SULF1: variants seen among roughly 807,000 people sequenced by gnomAD.
SULF1 encodes the protein sulfatase 1.
SULF1 carries 46 observed loss-of-function variants against 110.5 expected under a neutral mutation model. The observed-to-expected ratio is 0.42, with a 90% CI of 0.33 to 0.53. SULF1 has a LOEUF of 0.53. Ranked by LOEUF, SULF1 falls within the 20% of genes least tolerant of loss-of-function variation. SULF1 has a pLI of 0.12. For synonymous variants in SULF1, 371 were observed against 387.1 expected (o/e 0.96, Z 0.49); for missense variants, 941 against 1,094.2 (o/e 0.86, Z 1.98).
At chr8:69,644,243 C>T (rs1344941979) in intron 22 of SULF1, among the ~76,000 whole-genome samples, 2 of 152,150 alleles carry the variant, frequency 1.3e-5, no homozygotes, top group East Asian at 1.9e-4. Context: ...TGGGGGTGGA[C>T]GCTGGAGCTC....
intron 5 of SULF1, among the ~76,000 whole-genome samples, chr8:69,573,204 G>A (rs1216649460): frequency 6.6e-6 from 1 of 152,164 alleles, no homozygotes. Flanking sequence ...TGTTGTCTTG[G>A]TTCCTTTTGA....
At position 69,651,732 on chromosome 8, in the gene SULF1, G is replaced by A. The variant is rs143178582; in HGVS notation, c.2586-6773G>A. Among the ~76,000 whole-genome samples, 412 of 152,062 alleles carry A rather than the reference G, an allele frequency of 2.7e-3. 2 individuals carry two copies. Among genetic ancestry groups the A allele is most frequent in the African/African-American group, 9.5e-3 (395 of 41,490 alleles). On this transcript the variant is annotated intron_variant, in intron 22 of 22. Transcript: ENST00000402687. ...AAATTCCACTGGGTCATTGTGTGTT[G>A]CTTTCGTAATATTGAATTCTGTTCA...
Position 69,638,924 on chromosome 8 carries a change from C to T in SULF1, c.2551+66C>T, listed in dbSNP as rs574811850. 3.4e-6 allele frequency: 5 copies of T among 1,472,894 alleles called. No homozygotes were observed. In the African/African-American group the frequency reaches 7.1e-5, roughly 21 times the overall value. The allele number at this position is 1,472,894 out of a possible 1,614,324, so 91.2% of individuals were successfully genotyped here. On this transcript the variant is annotated intron_variant, in intron 21 of 22. Transcript: ENST00000402687. ...ATTCTTTGTGTTACTGAGCTTTCTG[C>T]CTTGGAAACATTTAATTGCACAGAA...
upstream of SULF1, chr8:69,492,827 C>T (rs1170436942): frequency 6.6e-6 from 1 of 152,304 alleles, no homozygotes. Context: ...ATATAACCGT[C>T]TTCATCTTGC....
intron 3 of SULF1, among the ~76,000 whole-genome samples, chr8:69,551,561 C>T (rs1191793915): frequency 3.3e-5 from 5 of 152,200 alleles, no homozygotes; most frequent in African/African-American, 9.6e-5. Context: ...TGATCGTAAA[C>T]AGTCCTGTCA....
chr8:69,652,875 G>A (rs979970447), intron 22 of SULF1, among the ~76,000 whole-genome samples: 1 of 152,142 alleles, frequency 6.6e-6, no homozygotes, highest in African/African-American at 2.4e-5. Context: ...CAGCTGCGTT[G>A]GAGTCTCTCA....
At chr8:69,650,682 T>C (rs540754628) in intron 22 of SULF1, among the ~76,000 whole-genome samples, 110 of 152,316 alleles carry the variant, frequency 7.2e-4, no homozygotes, top group Admixed American at 1.2e-3. Context: ...AGATTCTCAG[T>C]TTATTCCATG....
chr8:69,576,746 G>A (rs1247418850), intron 6 of SULF1, among the ~76,000 whole-genome samples: 1 of 152,188 alleles, frequency 6.6e-6, no homozygotes, highest in African/African-American at 2.4e-5. Flanking sequence ...TGTAGATGAT[G>A]TCCTTGGGTT....
rs1456674339 is a variant in SULF1, at chr8:69,659,181, G to C, written c.*646G>C. Reference sequence around the variant, plus strand: ...ATTCCGATGGAATTTCAGTTCATCAGATGTTCACCATGGCCACCGCAGAAC... The same window carrying C: ...ATTCCGATGGAATTTCAGTTCATCACATGTTCACCATGGCCACCGCAGAAC... On this transcript the variant is annotated 3_prime_UTR_variant, in exon 23 of 23. Transcript: ENST00000402687. The C allele has an allele frequency of 2.2e-6, 1 of 456,710 alleles. No homozygotes were observed. The highest frequency in any genetic ancestry group is 2.0e-5 in the African/African-American group (1 of 50,082). The allele number at this position is 456,710 out of a possible 1,614,324, so 28.3% of individuals were successfully genotyped here.
intron 22 of SULF1, among the ~76,000 whole-genome samples, chr8:69,642,018 C>T (rs1033521170): frequency 2.6e-5 from 4 of 152,060 alleles, no homozygotes; most frequent in African/African-American, 9.7e-5. Context: ...CTGTCCTTAC[C>T]GCCTCTGCTG....
chr8:69,651,783 A>G lies in SULF1; in HGVS notation c.2586-6722A>G, dbSNP rs1563634476. On this transcript the variant is annotated intron_variant, in intron 22 of 22. Transcript: ENST00000402687. ...CTAATATTTTATTTAAGATTTTTGT[A>G]TCATATTTTTAAATGATACCAATCT... is the stretch of plus-strand genomic sequence containing the variant. Among the ~76,000 whole-genome samples, 4 of 152,128 alleles carry G rather than the reference A, an allele frequency of 2.6e-5. No individual in the cohort carries two copies. The South Asian group carries it at 8.3e-4, about 31-fold the overall frequency.
chr8:69,528,187 T>G (rs1812833192), intron 3 of SULF1, among the ~76,000 whole-genome samples: 1 of 152,162 alleles, frequency 6.6e-6, no homozygotes, highest in South Asian at 2.1e-4. Flanking sequence ...TCAGGGAGAT[T>G]TTGATGAAAC....
At chr8:69,541,627 C>A (rs943966979) in intron 3 of SULF1, among the ~76,000 whole-genome samples, 4 of 152,194 alleles carry the variant, frequency 2.6e-5, no homozygotes, top group African/African-American at 9.6e-5. Context: ...TTTGAAAGTA[C>A]AGATTTCTTG....
intron 1 of SULF1, among the ~76,000 whole-genome samples, chr8:69,478,519 GC>G (rs963017742): frequency 2.6e-5 from 4 of 152,084 alleles, no homozygotes; most frequent in African/African-American, 4.8e-5. Context: ...CAAGGCACGT[GC>G]TCACACTGTT....
At chr8:69,500,851 G>A (rs541297714) in intron 2 of SULF1, among the ~76,000 whole-genome samples, 199 of 152,246 alleles carry the variant, frequency 1.3e-3, no homozygotes, top group African/African-American at 4.4e-3. Context: ...TGAGAGTCGT[G>A]TGGGAGGAAA....
chr8:69,640,718 A>T, intron 21 of SULF1, 90 bp from the exon 22 acceptor site: 1 of 1,110,316 alleles, frequency 9.0e-7, no homozygotes. Context: ...TCTTTCTAGG[A>T]TTTAGATGTT....
intron 5 of SULF1, among the ~76,000 whole-genome samples, chr8:69,572,826 A>G (rs1290775319): frequency 4.6e-5 from 7 of 151,922 alleles, no homozygotes; most frequent in Admixed American, 4.6e-4. Context: ...CCAGATTCCC[A>G]CTTTTTGTTT....
rs1019506949 is a variant in SULF1, at chr8:69,659,076, T to G, written c.*541T>G. The G allele has an allele frequency of 1.5e-5, 7 of 456,934 alleles. No individual in the cohort carries two copies. The highest frequency in any genetic ancestry group is 1.4e-4 in the African/African-American group (7 of 50,086). The allele number at this position is 456,934 out of a possible 1,614,324, so 28.3% of individuals were successfully genotyped here. ...GGCCCAGCCCCAGGCTGCAGCCCAT[T>G]CGCAGGCACCCGAAAGAACTTCCCC... On this transcript the variant is annotated 3_prime_UTR_variant, in exon 23 of 23. Coordinates refer to ENST00000402687, the MANE Select transcript of SULF1 (RefSeq NM_001128205.2).
intron 13 of SULF1, among the ~76,000 whole-genome samples, chr8:69,614,511 T>C (rs1189808013): frequency 1.3e-5 from 2 of 152,274 alleles, no homozygotes; most frequent in Non-Finnish European, 2.9e-5. Context: ...AAGATGATGA[T>C]GAATGAAATT....
Sources: allele counts gnomAD v4.1 joint callset (sites outside exome capture counted in the v4.1 genomes callset), GRCh38; gene constraint gnomAD v4.1.1; transcripts MANE v1.5; gene names NCBI Gene and HGNC (gene_info 2026-07-23, HGNC 2026-07-21).